The following SUPT20H variants were observed in gnomAD, a reference collection of about 807,000 sequenced individuals.
SUPT20H encodes transcription factor SPT20 homolog.
A neutral mutation model predicts 122.8 loss-of-function variants in SUPT20H; 82 were observed. The observed-to-expected ratio is 0.67, with a 90% CI of 0.56 to 0.80. The LOEUF is 0.80. SUPT20H is among the 30% of genes least tolerant of loss of function. The probability of loss-of-function intolerance (pLI) is 0.00; values close to 1 mark genes in which losing one functional copy is unlikely to be tolerated. For missense variants in SUPT20H, 831 were observed against 921.6 expected, an observed-to-expected ratio of 0.90 and a Z score of 1.27; for synonymous variants, 291 against 313.0, an observed-to-expected ratio of 0.93 and a Z score of 0.74.
Position 37,017,368 on chromosome 13 carries a change from T to C in SUPT20H, c.1873-4A>G, listed in dbSNP as rs751374407. 8 of 1,600,834 alleles carry C rather than the reference T, an allele frequency of 5.0e-6. No homozygotes were observed. Among genetic ancestry groups the C allele is most frequent in the Non-Finnish European group, 6.8e-6 (8 of 1,175,832 alleles). ...AAATAAGTGAACCACCTGGAAGCTA[T>C]TAAGAATTTAAACAAAAATTAACCA... On this transcript the variant is annotated splice_polypyrimidine_tract_variant and splice_region_variant and intron_variant, in intron 22 of 25. Transcript: ENST00000350612.
At chr13:37,056,708 A>ATAC (rs932370486) in intron 1 of SUPT20H, among the ~76,000 whole-genome samples, 2 of 152,132 alleles carry the variant, frequency 1.3e-5, no homozygotes, top group Non-Finnish European at 2.9e-5. Context: ...TGGCACATGT[A>ATAC]TACATATGTA....
chr13:37,024,575 A>G (rs1245855028), intron 17 of SUPT20H, 133 bp from the exon 18 acceptor site: 1 of 569,922 alleles, frequency 1.8e-6, no homozygotes, highest in African/African-American at 2.0e-5. Flanking sequence ...TTAACTCTGC[A>G]AAGTGCTCTT....
chr13:37,044,044 A>T (rs771143380), intron 7 of SUPT20H, 34 bp downstream of exon 7: 9 of 1,405,970 alleles, frequency 6.4e-6, no homozygotes, highest in Non-Finnish European at 9.0e-6. Flanking sequence ...CATATAACAA[A>T]TATAAAGACA....
Position 37,022,742 on chromosome 13 carries a change from A to G in SUPT20H, c.1592-662T>C, listed in dbSNP as rs997989777. 1 of 990,834 alleles carries G rather than the reference A, an allele frequency of 1.0e-6. No individual in the cohort carries two copies. Among genetic ancestry groups the G allele is most frequent in the Non-Finnish European group, 1.2e-6 (1 of 830,906 alleles). The allele number at this position is 990,834 out of a possible 1,614,324, so 61.4% of individuals were successfully genotyped here. A position where few individuals can be genotyped will look rare whatever the true frequency, so the allele number is the denominator to read the frequency against. ...CTGAGATAAACTGTAAACATATTTA[A>G]TAAGTTACATATGGTTAACAATCAT... On this transcript the variant is annotated intron_variant, in intron 19 of 25. Coordinates refer to ENST00000350612, the MANE Select transcript of SUPT20H (RefSeq NM_001014286.3). The surrounding 1 kb of genome is among the most constrained non-coding windows in gnomAD (Gnocchi z 4.5).
intron 23 of SUPT20H, among the ~76,000 whole-genome samples, chr13:37,014,705 A>AG (rs1345968947): frequency 6.6e-6 from 1 of 152,186 alleles, no homozygotes; most frequent in Non-Finnish European, 1.5e-5. Flanking sequence ...AGCAGTACTG[A>AG]GAAGGAAATG....
chr13:37,026,622 T>C (rs1375754598), intron 15 of SUPT20H, among the ~76,000 whole-genome samples, 168 bp downstream of exon 15: 3 of 152,086 alleles, frequency 2.0e-5, no homozygotes, highest in Non-Finnish European at 4.4e-5. Flanking sequence ...TAACCTGCAA[T>C]TTTAGAAGTT....
intron 4 of SUPT20H, 128 bp downstream of exon 4, chr13:37,047,750 C>T (rs1449914247): frequency 8.2e-7 from 1 of 1,225,378 alleles, no homozygotes; most frequent in Non-Finnish European, 1.1e-6. Context: ...CTAACATCAA[C>T]TTAGAAATTC....
rs2061616129 is a variant in SUPT20H, at chr13:37,022,865, A to C, written c.1592-785T>G. 3 of 1,083,698 alleles carry C rather than the reference A, an allele frequency of 2.8e-6. No homozygotes were observed. Among genetic ancestry groups the C allele is most frequent in the Non-Finnish European group, 3.4e-6 (3 of 878,912 alleles). The allele number at this position is 1,083,698 out of a possible 1,614,324, so 67.1% of individuals were successfully genotyped here. A position where few individuals can be genotyped will look rare whatever the true frequency, so the allele number is the denominator to read the frequency against. On this transcript the variant is annotated intron_variant, in intron 19 of 25. Coordinates refer to ENST00000350612, the MANE Select transcript of SUPT20H (RefSeq NM_001014286.3). The surrounding 1 kb of genome is among the most constrained non-coding windows in gnomAD (Gnocchi z 4.5). ...CAGTAATAAAGCAAATATCTGAGAG[A>C]TAATACTGCATCTTTAACAGTAACT...
At chr13:37,037,773 T>C (rs955240188) in intron 9 of SUPT20H, among the ~76,000 whole-genome samples, 2 of 152,240 alleles carry the variant, frequency 1.3e-5, no homozygotes, top group African/African-American at 4.8e-5. Context: ...TTTACTATTA[T>C]CACATAACAT....
chr13:37,056,411 T>A (rs992120387), intron 1 of SUPT20H, among the ~76,000 whole-genome samples: 411 of 152,266 alleles, frequency 2.7e-3, no homozygotes, highest in Non-Finnish European at 4.7e-3. Context: ...GTGGCACATA[T>A]ACACCATGGA....
chr13:37,010,917 CTG>C (rs2059503300), intron 24 of SUPT20H: 4 of 294,576 alleles, frequency 1.4e-5, no homozygotes, highest in African/African-American at 6.3e-5. Flanking sequence ...TCTCTTGCAT[CTG>C]TATAAAATTT....
At chr13:37,034,800 T>C (rs2064032455) in intron 9 of SUPT20H, among the ~76,000 whole-genome samples, 1 of 152,190 alleles carries the variant, frequency 6.6e-6, no homozygotes, top group South Asian at 2.1e-4. Flanking sequence ...ACTCTCTTGT[T>C]GGGGGTTAAT....
chr13:37,031,423 G>T, intron 12 of SUPT20H, 144 bp downstream of exon 12: 1 of 456,790 alleles, frequency 2.2e-6, no homozygotes, highest in Non-Finnish European at 3.8e-6. Context: ...AAATCATATT[G>T]TTTTTAAAAA....
At chr13:37,027,561 CT>C (rs1169776518) in intron 14 of SUPT20H, among the ~76,000 whole-genome samples, 1 of 151,960 alleles carries the variant, frequency 6.6e-6, no homozygotes, top group East Asian at 1.9e-4. Context: ...TGCTGAGCTT[CT>C]TTTTTGTTTT....
rs187291182 is a variant in SUPT20H at position 37,033,054 on chromosome 13, C to A, written c.707+395G>T. Among the ~76,000 whole-genome samples, 18 of 151,960 alleles carry A rather than the reference C, an allele frequency of 1.2e-4. 1 individual carries two copies. Among genetic ancestry groups the A allele is most frequent in the Non-Finnish European group, 2.6e-4 (18 of 67,944 alleles). On this transcript the variant is annotated intron_variant, in intron 10 of 25. Coordinates refer to ENST00000350612, the MANE Select transcript of SUPT20H (RefSeq NM_001014286.3). Reference sequence around the variant, plus strand: ...GATCTCAGCCTCTTTACCTTTTTGGCAAACAGACTATAAACTTAGAAAAAG... The same window carrying A: ...GATCTCAGCCTCTTTACCTTTTTGGAAAACAGACTATAAACTTAGAAAAAG...
Position 37,021,499 on chromosome 13 carries a change from C to G in SUPT20H, c.1765G>C (p.Gly589Arg). 1 of 1,613,888 alleles carries G rather than the reference C, an allele frequency of 6.2e-7. No individual in the cohort carries two copies. The highest frequency in any genetic ancestry group is 8.5e-7 in the Non-Finnish European group (1 of 1,179,944). Residue 589 changes from glycine to arginine, a missense_variant, in exon 21 of 26, where the codon GGT (glycine) becomes CGT (arginine). By Grantham distance (125) the Gly-to-Arg change is moderately radical. Coordinates refer to ENST00000350612, the MANE Select transcript of SUPT20H (RefSeq NM_001014286.3). ...INLSGLLPSG[G>R]LLPNALPSAM... is the part of the protein sequence containing the mutation. The stretch of plus-strand genomic sequence containing the variant: ...CTGGGCAGTGCATTTGGTAGCAGAC[C>G]TCCTGAGGGTAGAAGGCCGCTCAGG...
At position 37,009,719 on chromosome 13, in the gene SUPT20H, A is replaced by G. The variant is rs1368830673; in HGVS notation, c.2293T>C (p.Ser765Pro). The G allele has an allele frequency of 6.2e-7, 1 of 1,614,062 alleles. No homozygotes were observed. The highest frequency in any genetic ancestry group is 1.7e-5 in the Admixed American group (1 of 59,984). ...LHHHRHTGSQSKSKMKRGTPT... is the reference protein window; with the variant it reads ...LHHHRHTGSQPKSKMKRGTPT... Reference sequence around the variant, plus strand: ...GTGCCTCTCTTCATTTTACTTTTTGACTGGCTGCCTGTATGCCGATGATGA... The same window carrying G: ...GTGCCTCTCTTCATTTTACTTTTTGGCTGGCTGCCTGTATGCCGATGATGA... The change falls in exon 26 of 26, where the codon TCA becomes CCA. Residue 765 changes from serine to proline, a missense_variant. Transcript: ENST00000350612.
At chr13:37,057,081 C>T (rs1211184519) in intron 1 of SUPT20H, 4 of 152,114 alleles carry the variant, frequency 2.6e-5, no homozygotes, top group African/African-American at 9.7e-5. Flanking sequence ...AGAGGATCAT[C>T]TGAGCTGAGG....
chr13:37,031,378 G>A (rs1396287621), intron 12 of SUPT20H, among the ~76,000 whole-genome samples, 189 bp downstream of exon 12: 1 of 151,968 alleles, frequency 6.6e-6, no homozygotes, highest in Non-Finnish European at 1.5e-5. Context: ...ACAATACACA[G>A]CTTCTAAAAA....
Sources: gnomAD v4.1 joint callset for allele counts (sites outside exome capture counted in the v4.1 genomes callset) on GRCh38, gnomAD v4.1.1 for gene constraint, Gnocchi (gnomAD v3.1) non-coding constraint, MANE v1.5 for transcripts, NCBI Gene and HGNC (gene_info 2026-07-23, HGNC 2026-07-21) for gene names.